The following CRPPA variants were observed in gnomAD, a reference collection of about 807,000 sequenced individuals.
The protein encoded by CRPPA is D-ribitol-5-phosphate cytidylyltransferase.
Under a neutral mutation model 52.0 loss-of-function variants are expected in CRPPA, and 43 were observed. The ratio of observed to expected loss-of-function variants is 0.83; its 90% CI spans 0.65 to 1.07. The LOEUF is 1.07. Ranked by LOEUF, CRPPA falls within the 50% of genes least tolerant of loss-of-function variation. The probability of loss-of-function intolerance (pLI) is 0.00; values close to 1 mark genes in which losing one functional copy is unlikely to be tolerated. For synonymous variants in CRPPA, 250 were observed against 203.5 expected (o/e 1.23, Z -1.94); for missense variants, 629 against 551.7 (o/e 1.14, Z -1.40).
chr7:16,367,717 G>C (rs1786640696), intron 3 of CRPPA, among the ~76,000 whole-genome samples: 1 of 152,078 alleles, frequency 6.6e-6, no homozygotes, highest in South Asian at 2.1e-4. Flanking sequence ...GGGAATTCCT[G>C]TCATATTTCT....
intron 8 of CRPPA, among the ~76,000 whole-genome samples, chr7:16,227,878 C>T (rs543221200): frequency 6.6e-6 from 1 of 151,824 alleles, no homozygotes; most frequent in Non-Finnish European, 1.5e-5. Flanking sequence ...AGATTCTAAT[C>T]TTACATTTAA....
chr7:16,317,314 T>A (rs1218169170), intron 3 of CRPPA, among the ~76,000 whole-genome samples: 1 of 152,204 alleles, frequency 6.6e-6, no homozygotes, highest in Non-Finnish European at 1.5e-5. Flanking sequence ...CTGATGTACC[T>A]GGTATAGTGT....
rs920749386 is a variant in CRPPA at position 16,421,265 on chromosome 7, C to T, written c.58G>A (p.Gly20Ser). Residue 20 changes from glycine to serine, a missense_variant, in exon 1 of 10, where the codon GGT becomes AGT. Gly to Ser is a moderately conservative substitution (Grantham distance 56, BLOSUM62 0). Coordinates refer to ENST00000407010, the MANE Select transcript of CRPPA (RefSeq NM_001101426.4). ...RPAEPGPCLS[G>S]QRGADHTASA... ...GCCGTGTGGTCCGCGCCGCGCTGAC[C>T]ACTCAGGCAAGGACCCGGCTCCGCC... The T allele has an allele frequency of 4.6e-6, 6 of 1,309,354 alleles. No individual in the cohort carries two copies. Among genetic ancestry groups the T allele is most frequent in the Non-Finnish European group, 5.9e-6 (6 of 1,022,568 alleles). 81.1% of individuals were successfully genotyped at this position (1,309,354 alleles called of 1,614,324 possible).
rs1369287435 is a variant in CRPPA, at chr7:16,316,606, A to G, written c.685-7979T>C. ...GCCAGATGTGGTGTTTCATGCCTGTAATCTCAGTACTTTGAGAGGCCAAGG... is the reference window on the plus strand; with the variant it reads ...GCCAGATGTGGTGTTTCATGCCTGTGATCTCAGTACTTTGAGAGGCCAAGG... On this transcript the variant is annotated intron_variant, in intron 3 of 9. Transcript: ENST00000407010. 2.0e-5 allele frequency among the ~76,000 whole-genome samples: 3 copies of G among 152,218 alleles called. No individual in the cohort carries two copies. The East Asian group carries it at 5.8e-4, about 29-fold the overall frequency.
At chr7:16,294,839 T>C (rs1784638804) in intron 5 of CRPPA, among the ~76,000 whole-genome samples, 1 of 152,054 alleles carries the variant, frequency 6.6e-6, no homozygotes, top group Admixed American at 6.6e-5. Flanking sequence ...AGATGCGGAA[T>C]GTTGTCTGGT....
chr7:16,356,576 A>G (rs1055552545), intron 3 of CRPPA, among the ~76,000 whole-genome samples: 1 of 152,170 alleles, frequency 6.6e-6, no homozygotes, highest in Non-Finnish European at 1.5e-5. Context: ...AACGCTGCAT[A>G]AAGTTCCCCA....
At chr7:16,420,976 A>G (rs1470330599) in intron 1 of CRPPA, 90 bp downstream of exon 1, 9 of 1,126,926 alleles carry the variant, frequency 8.0e-6, no homozygotes, top group African/African-American at 1.6e-5. Flanking sequence ...CAGTCCCCCA[A>G]GTGAAGGTGC....
At chr7:16,362,939 T>A (rs2128309619) in intron 3 of CRPPA, among the ~76,000 whole-genome samples, 1 of 152,226 alleles carries the variant, frequency 6.6e-6, no homozygotes. Context: ...CCCCATCCCC[T>A]ACAGATACGT....
At chr7:16,389,541 G>A (rs537593852) in intron 2 of CRPPA, among the ~76,000 whole-genome samples, 15 of 152,038 alleles carry the variant, frequency 9.9e-5, no homozygotes, top group Non-Finnish European at 1.6e-4. Context: ...GAACTCATCT[G>A]ACAAAATCCA....
At chr7:16,142,550 T>C (rs959451761) in intron 9 of CRPPA, among the ~76,000 whole-genome samples, 6 of 152,210 alleles carry the variant, frequency 3.9e-5, no homozygotes, top group African/African-American at 9.6e-5. Context: ...CTTGGTCAAA[T>C]AGATCTTCCA....
At chr7:16,400,159 G>T (rs908166540) in intron 2 of CRPPA, among the ~76,000 whole-genome samples, 2 of 152,214 alleles carry the variant, frequency 1.3e-5, no homozygotes, top group East Asian at 3.9e-4. Flanking sequence ...TGACATGATT[G>T]ACGTGATGAC....
intron 9 of CRPPA, among the ~76,000 whole-genome samples, chr7:16,139,917 A>T: frequency 6.6e-6 from 1 of 152,128 alleles, no homozygotes; most frequent in Non-Finnish European, 1.5e-5. Context: ...AAGATGCAGA[A>T]AAGTATCTTG....
At chr7:16,391,447 C>G (rs1256646007) in intron 2 of CRPPA, among the ~76,000 whole-genome samples, 1 of 152,160 alleles carries the variant, frequency 6.6e-6, no homozygotes, top group Non-Finnish European at 1.5e-5. Context: ...TCACTCTTGT[C>G]CTTCCACAGC....
chr7:16,329,160 C>G (rs1191531117), intron 3 of CRPPA, among the ~76,000 whole-genome samples: 1 of 152,128 alleles, frequency 6.6e-6, no homozygotes. Context: ...CAGATTATAT[C>G]CAAGAGGCAA....
At chr7:16,254,516 C>T (rs1246453571) in intron 8 of CRPPA, among the ~76,000 whole-genome samples, 1 of 151,934 alleles carries the variant, frequency 6.6e-6, no homozygotes, top group Non-Finnish European at 1.5e-5. Context: ...CATGTTCTCA[C>T]TCATAGGTGG....
chr7:16,393,368 A>G (rs1787489969), intron 2 of CRPPA, among the ~76,000 whole-genome samples: 1 of 152,132 alleles, frequency 6.6e-6, no homozygotes, highest in Non-Finnish European at 1.5e-5. Context: ...AGCTGTCTCA[A>G]TAGTGACTAA....
intron 6 of CRPPA, chr7:16,270,428 T>G (rs1457982507): frequency 6.6e-6 from 1 of 152,286 alleles, no homozygotes; most frequent in East Asian, 1.9e-4. Context: ...CAATTAATAT[T>G]TTAAAACCAT....
At position 16,090,426 on chromosome 7, in the gene CRPPA, G is replaced by A. The variant is rs1295621200; in HGVS notation, c.*1269C>T. The A allele has an allele frequency of 6.6e-6, 1 of 151,956 alleles. No individual in the cohort carries two copies. The highest frequency in any genetic ancestry group is 2.4e-5 in the African/African-American group (1 of 41,352). 9.4% of individuals were successfully genotyped at this position (151,956 alleles called of 1,614,324 possible). On this transcript the variant is annotated 3_prime_UTR_variant, in exon 10 of 10. Transcript: ENST00000407010. ...TCAATAAAATAAATGTATGTTGGCT[G>A]GGTATGGTGGCTCACACCTATAATC...
In CRPPA at chr7:16,090,913, ACT is replaced by A. The variant is rs1781824516; in HGVS notation, c.*780_*781del. The stretch of plus-strand genomic sequence containing the variant: ...TATCTGAATTGAAATAACTAATTTA[ACT>A]CTATGATGTACAATAGATTCTCTAC... On this transcript the variant is annotated 3_prime_UTR_variant, in exon 10 of 10. Transcript: ENST00000407010. 1 of 152,156 alleles carries A rather than the reference ACT, an allele frequency of 6.6e-6. No individual in the cohort carries two copies. The highest frequency in any genetic ancestry group is 1.5e-5 in the Non-Finnish European group (1 of 68,034). The allele number at this position is 152,156 out of a possible 1,614,324, so 9.4% of individuals were successfully genotyped here.
Sources: gnomAD v4.1 joint callset for allele counts (sites outside exome capture counted in the v4.1 genomes callset) on GRCh38, gnomAD v4.1.1 for gene constraint, MANE v1.5 for transcripts, NCBI Gene and HGNC (gene_info 2026-07-23, HGNC 2026-07-21) for gene names.